The following HOOK3 variants were observed in gnomAD, a reference collection of about 807,000 sequenced individuals.
The protein encoded by HOOK3 is protein Hook homolog 3.
A neutral mutation model predicts 116.3 loss-of-function variants in HOOK3; 24 were observed. The observed-to-expected ratio is 0.21, with a 90% CI of 0.15 to 0.29. The LOEUF is 0.29. Among genes scored for constraint, HOOK3 ranks in the 10% least tolerant of loss-of-function variants. HOOK3 has a pLI of 1.00. For synonymous variants in HOOK3, 275 were observed against 283.0 expected (o/e 0.97, Z 0.28); for missense variants, 632 against 830.2 (o/e 0.76, Z 2.93).
intron 1 of HOOK3, among the ~76,000 whole-genome samples, chr8:42,899,697 G>T (rs1452875648): frequency 2.0e-5 from 3 of 152,184 alleles, no homozygotes; most frequent in Admixed American, 6.5e-5. Context: ...CTTCTAGTCA[G>T]TTTGGTTGTG....
intron 13 of HOOK3, 69 bp from the exon 14 acceptor site, chr8:42,982,558 G>A: frequency 9.8e-7 from 1 of 1,018,206 alleles, no homozygotes; most frequent in Non-Finnish European, 1.6e-6. Context: ...GCTCAAAGTA[G>A]GGTTTCATAT....
rs201417729 is a variant in HOOK3 at position 42,986,815 on chromosome 8, C to T, written c.1532+20C>T. On this transcript the variant is annotated intron_variant, in intron 15 of 21. Coordinates refer to ENST00000307602, the MANE Select transcript of HOOK3 (RefSeq NM_032410.4). ...GAATAGGTAGAGTATTATAGGTGGC[C>T]GCATCTGGCTATAAGTTTTCCCTAT... 3.7e-5 allele frequency: 59 copies of T among 1,607,626 alleles called. No individual in the cohort carries two copies. The East Asian group carries it at 1.1e-3, about 31-fold the overall frequency.
intron 2 of HOOK3, among the ~76,000 whole-genome samples, chr8:42,919,994 A>C (rs1376401630): frequency 6.6e-6 from 1 of 151,872 alleles, no homozygotes; most frequent in Non-Finnish European, 1.5e-5. Context: ...ATAAGACAAT[A>C]TACTTCTGGA....
chr8:42,957,338 T>C (rs1359983684), intron 7 of HOOK3, among the ~76,000 whole-genome samples, 182 bp downstream of exon 7: 2 of 152,214 alleles, frequency 1.3e-5, no homozygotes, highest in African/African-American at 4.8e-5. Flanking sequence ...TAATTAAGTT[T>C]ATAATTTGTA....
chr8:42,933,962 T>G (rs2130369754), intron 4 of HOOK3, among the ~76,000 whole-genome samples: 1 of 152,280 alleles, frequency 6.6e-6, no homozygotes. Flanking sequence ...GTTCTTTTCT[T>G]TTGTTTTATT....
At chr8:42,935,264 A>G (rs1395688848) in intron 4 of HOOK3, among the ~76,000 whole-genome samples, 2 of 151,370 alleles carry the variant, frequency 1.3e-5, no homozygotes, top group East Asian at 3.9e-4. Flanking sequence ...ACATTTGTTT[A>G]AGTTCCTTGT....
At chr8:43,014,129 TA>T (rs1349633475) in intron 21 of HOOK3, among the ~76,000 whole-genome samples, 1 of 151,510 alleles carries the variant, frequency 6.6e-6, no homozygotes, top group Non-Finnish European at 1.5e-5. Flanking sequence ...CTACTAAAAA[TA>T]CAAAAATTAG....
intron 2 of HOOK3, among the ~76,000 whole-genome samples, chr8:42,918,617 G>C (rs376100359): frequency 1.3e-5 from 2 of 152,100 alleles, no homozygotes; most frequent in Admixed American, 6.5e-5. Flanking sequence ...AGATTAGGGA[G>C]TGGTGATGAC....
At chr8:42,934,800 G>C (rs1242155058) in intron 4 of HOOK3, among the ~76,000 whole-genome samples, 1 of 152,152 alleles carries the variant, frequency 6.6e-6, no homozygotes, top group South Asian at 2.1e-4. Flanking sequence ...TCATTGATGG[G>C]CATTTGGGTT....
intron 5 of HOOK3, 112 bp downstream of exon 5, chr8:42,943,557 C>T (rs1277222805): frequency 2.6e-5 from 17 of 651,808 alleles, no homozygotes; most frequent in Non-Finnish European, 3.5e-5. Context: ...TTTAAGGTCA[C>T]CCCCAAAGAA....
At chr8:42,986,888 G>A in intron 15 of HOOK3, 93 bp downstream of exon 15, 1 of 1,340,460 alleles carries the variant, frequency 7.5e-7, no homozygotes, top group Non-Finnish European at 1.0e-6. Context: ...AGGGCATGGT[G>A]GCTCACGCCT....
chr8:42,997,609 T>C lies in HOOK3; in HGVS notation c.1592T>C (p.Leu531Ser), dbSNP rs1187163434. 1.9e-6 allele frequency: 3 copies of C among 1,608,278 alleles called. No individual in the cohort carries two copies. The highest frequency in any genetic ancestry group is 2.7e-5 in the African/African-American group (2 of 74,802). ...CAAGTTGAAGAATTACAAAAATCTT[T>C]ACAGGATCAAGGCTCAAAAGCAGAA... is the stretch of plus-strand genomic sequence containing the variant. ...QSQVEELQKS[L>S]QDQGSKAEDS... The change falls in exon 16 of 22, where the codon TTA becomes TCA. Residue 531 changes from leucine to serine, a missense_variant. Physicochemically the swap from Leu to Ser is moderately radical, Grantham distance 145. Around this residue, in one of 3 missense-constraint regions of HOOK3, gnomAD observed 483 missense variants for 648.1 expected, o/e 0.75. Transcript: ENST00000307602.
At chr8:42,978,467 A>G (rs1408887848) in intron 13 of HOOK3, among the ~76,000 whole-genome samples, 1 of 149,938 alleles carries the variant, frequency 6.7e-6, no homozygotes, top group Non-Finnish European at 1.5e-5. Flanking sequence ...CTGGAGTGCA[A>G]TGGCGCTATC....
chr8:42,966,264 G>A (rs959721321), intron 9 of HOOK3, among the ~76,000 whole-genome samples: 10 of 152,132 alleles, frequency 6.6e-5, no homozygotes, highest in Non-Finnish European at 8.8e-5. Context: ...TAGGGAAATA[G>A]TAACCAGTTG....
intron 4 of HOOK3, among the ~76,000 whole-genome samples, chr8:42,934,230 T>C (rs892132004): frequency 5.9e-5 from 9 of 152,256 alleles, no homozygotes; most frequent in Middle Eastern, 3.4e-3. Flanking sequence ...ATACACCTTC[T>C]TCTAGCTTGC....
intron 15 of HOOK3, among the ~76,000 whole-genome samples, chr8:42,992,228 G>T (rs542346653): frequency 2.7e-5 from 4 of 150,612 alleles, no homozygotes; most frequent in African/African-American, 9.8e-5. Context: ...GTGAAACCCC[G>T]TCTCTGCTAA....
intron 19 of HOOK3, among the ~76,000 whole-genome samples, chr8:43,011,254 A>G (rs1809606566): frequency 6.6e-6 from 1 of 152,120 alleles, no homozygotes; most frequent in Admixed American, 6.5e-5. Flanking sequence ...CGGCCTCCCA[A>G]AGTGCTGGGA....
chr8:42,940,788 G>A (rs909503884), intron 4 of HOOK3, among the ~76,000 whole-genome samples: 4 of 152,054 alleles, frequency 2.6e-5, no homozygotes, highest in East Asian at 1.9e-4. Flanking sequence ...GAATTTGAAC[G>A]TTGGCCTGTC....
intron 1 of HOOK3, among the ~76,000 whole-genome samples, chr8:42,900,502 T>C (rs1350349048): frequency 6.6e-6 from 1 of 152,212 alleles, no homozygotes; most frequent in East Asian, 1.9e-4. Context: ...TGGCAGCCTA[T>C]AAAATGCATA....
Sources: gnomAD v4.1 joint callset for allele counts (sites outside exome capture counted in the v4.1 genomes callset) on GRCh38, gnomAD v4.1.1 for gene constraint, gnomAD v4.1.1 regional missense constraint, MANE v1.5 for transcripts, NCBI Gene and HGNC (gene_info 2026-07-23, HGNC 2026-07-21) for gene names.